C3: variants seen among roughly 807,000 people sequenced by gnomAD.
C3 encodes the protein complement C3.
In C3, 97 loss-of-function variants were observed where a neutral mutation model predicts 207.9. The ratio of observed to expected loss-of-function variants is 0.47; its 90% CI spans 0.40 to 0.55. The LOEUF (loss-of-function observed/expected upper bound fraction) is 0.55, where lower values mean the gene tolerates loss of function less well. C3 is among the 20% of genes least tolerant of loss of function. C3 has a pLI of 0.00. For synonymous variants in C3, 848 were observed against 857.6 expected (o/e 0.99, Z 0.20); for missense variants, 1,684 against 2,171.7 (o/e 0.78, Z 4.46).
intron 33 of C3, chr19:6,682,879 C>A: frequency 6.4e-6 from 1 of 155,118 alleles, no homozygotes; most frequent in Non-Finnish European, 1.4e-5. Flanking sequence ...GGGAACTGGC[C>A]AACAAAGATA....
At chr19:6,683,786 T>C (rs765685786) in intron 33 of C3, among the ~76,000 whole-genome samples, 8 of 152,248 alleles carry the variant, frequency 5.3e-5, no homozygotes, top group Non-Finnish European at 8.8e-5. Flanking sequence ...AGTATGATAA[T>C]TTTAAATGTT....
At chr19:6,689,294 C>CG (rs1918091094) in intron 27 of C3, among the ~76,000 whole-genome samples, 1 of 118,392 alleles carries the variant, frequency 8.4e-6, no homozygotes, top group Non-Finnish European at 1.9e-5. Flanking sequence ...CTGACCCCAC[C>CG]TCTCCTCTCT....
At chr19:6,700,332 C>T (rs182406166) in intron 19 of C3, among the ~76,000 whole-genome samples, 3 of 70,954 alleles carry the variant, frequency 4.2e-5, no homozygotes, top group African/African-American at 5.6e-5. Context: ...TAACATATTA[C>T]ATGTAATATG....
At chr19:6,679,956 A>T (rs934884611) in intron 36 of C3, 2 of 580,978 alleles carry the variant, frequency 3.4e-6, no homozygotes, top group African/African-American at 3.8e-5. Context: ...TGCTTAGACC[A>T]TCATTCTCAG....
chr19:6,714,554 T>A, intron 4 of C3, 108 bp from the exon 5 acceptor site: 4 of 807,838 alleles, frequency 5.0e-6, no homozygotes, highest in Non-Finnish European at 6.4e-6. Context: ...GTGCACAGTG[T>A]CTACTGTGGT....
chr19:6,710,553 G>C, intron 13 of C3, 86 bp downstream of exon 13: 1 of 1,008,642 alleles, frequency 9.9e-7, no homozygotes, highest in Non-Finnish European at 1.5e-6. Context: ...GAAAGGGAGA[G>C]AGAGAGAGAG....
At position 6,707,989 on chromosome 19, in the gene C3, C is replaced by G; in HGVS notation, c.1846-60G>C. 1.4e-5 allele frequency: 22 copies of G among 1,599,620 alleles called. No homozygotes were observed. The South Asian group carries it at 2.4e-4, about 18-fold the overall frequency. On this transcript the variant is annotated intron_variant, in intron 14 of 40. Transcript: ENST00000245907. ...GGCCAGGCTGACAATTGGGATCCCC[C>G]ACATATGCACCTGTGTATCTCTTCC...
chr19:6,678,084 C>T (rs1023638329), intron 40 of C3, 61 bp from the exon 41 acceptor site: 55 of 1,613,604 alleles, frequency 3.4e-5, no homozygotes, highest in Non-Finnish European at 4.6e-5. Flanking sequence ...AGGGGCGTGA[C>T]AATGGTGTGG....
In C3 at chr19:6,713,177, A is replaced by G; in HGVS notation, c.1003+12T>C. Reference sequence around the variant, plus strand: ...TGGTGGTCCTGAGCCTGGCCTTCAGACTGGGCCTCACCTGAGTGCAAGATG... The same window carrying G: ...TGGTGGTCCTGAGCCTGGCCTTCAGGCTGGGCCTCACCTGAGTGCAAGATG... On this transcript the variant is annotated intron_variant, in intron 9 of 40. Coordinates refer to ENST00000245907, the MANE Select transcript of C3 (RefSeq NM_000064.4). The G allele has an allele frequency of 6.2e-7, 1 of 1,613,662 alleles. No individual in the cohort carries two copies. The highest frequency in any genetic ancestry group is 8.5e-7 in the Non-Finnish European group (1 of 1,180,002).
chr19:6,684,113 A>C (rs1917935828), intron 33 of C3: 2 of 486,588 alleles, frequency 4.1e-6, no homozygotes, highest in South Asian at 2.1e-5. Context: ...AAAAGAAAAA[A>C]AGAAAACTTT....
chr19:6,687,046 CCCAGATATTTTAGCCA>C, intron 27 of C3, 144 bp from the exon 28 acceptor site: 3 of 899,812 alleles, frequency 3.3e-6, no homozygotes, highest in Non-Finnish European at 5.3e-6. Context: ...TTGAGAATTT[CCCAGATATTTTAGCCA>C]CCATGAGCTG....
intron 23 of C3, among the ~76,000 whole-genome samples, chr19:6,695,427 T>A (rs1186173571): frequency 6.6e-6 from 1 of 152,164 alleles, no homozygotes; most frequent in Non-Finnish European, 1.5e-5. Flanking sequence ...GGGCAAGAAA[T>A]GACCTCCAGA....
intron 14 of C3, 89 bp from the exon 15 acceptor site, chr19:6,708,018 A>C: frequency 6.6e-7 from 1 of 1,513,784 alleles, no homozygotes; most frequent in Non-Finnish European, 9.1e-7. Context: ...CTCTTCCCAA[A>C]TGACCCCACC....
At chr19:6,687,155 C>T (rs964894443) in intron 27 of C3, among the ~76,000 whole-genome samples, 8 of 152,130 alleles carry the variant, frequency 5.3e-5, no homozygotes, top group African/African-American at 1.9e-4. Flanking sequence ...AGCCAGCTCT[C>T]CAGTGGGAGG....
chr19:6,699,445 C>G (rs1967601893), intron 19 of C3, among the ~76,000 whole-genome samples: 1 of 152,062 alleles, frequency 6.6e-6, no homozygotes, highest in Non-Finnish European at 1.5e-5. Context: ...CAGTGAAAAC[C>G]TAGCATCCTG....
intron 14 of C3, 65 bp downstream of exon 14, chr19:6,709,619 A>ACCACCC: frequency 1.9e-5 from 8 of 432,312 alleles, no homozygotes; most frequent in East Asian, 4.7e-5. Context: ...AGTCCCACCC[A>ACCACCC]CCTCCCCCAG....
chr19:6,694,917 T>C (rs1967499634), intron 23 of C3, among the ~76,000 whole-genome samples: 1 of 152,158 alleles, frequency 6.6e-6, no homozygotes, highest in South Asian at 2.1e-4. Context: ...GGAATACTTA[T>C]ATCACGCTTA....
At chr19:6,714,578 C>G in intron 4 of C3, 132 bp from the exon 5 acceptor site, 3 of 733,948 alleles carry the variant, frequency 4.1e-6, no homozygotes, top group Non-Finnish European at 7.3e-6. Flanking sequence ...GAACAGGGAC[C>G]CAGGTGGGCG....
At position 6,712,499 on chromosome 19, in the gene C3, G is replaced by A. The variant is rs200362436; in HGVS notation, c.1119+9C>T. The A allele has an allele frequency of 2.3e-5, 37 of 1,613,986 alleles. No homozygotes were observed. The highest frequency in any genetic ancestry group is 2.0e-4 in the African/African-American group (15 of 75,016). The stretch of plus-strand genomic sequence containing the variant: ...GAGGAGTGGGACCCCTTCCCGCCCC[G>A]GGTCTCACCATGAGGTCAAAGGGCA... On this transcript the variant is annotated intron_variant, in intron 10 of 40. Transcript: ENST00000245907.
Sources: gnomAD v4.1 joint callset for allele counts (sites outside exome capture counted in the v4.1 genomes callset) on GRCh38, gnomAD v4.1.1 for gene constraint, MANE v1.5 for transcripts, NCBI Gene and HGNC (gene_info 2026-07-23, HGNC 2026-07-21) for gene names.